UBE3D: variants seen among roughly 807,000 people sequenced by gnomAD.
UBE3D encodes ubiquitin protein ligase E3D, also known as E3 ubiquitin-protein ligase E3D.
UBE3D carries 48 observed loss-of-function variants against 49.6 expected under a neutral mutation model. The ratio of observed to expected loss-of-function variants is 0.97; its 90% CI spans 0.77 to 1.23. The LOEUF is 1.23. Among genes scored for constraint, UBE3D ranks in the 50% most tolerant of loss-of-function variants. The pLI, the probability that UBE3D is intolerant of heterozygous loss-of-function variation, is 0.00. For synonymous variants in UBE3D, 189 were observed against 174.2 expected (o/e 1.08, Z -0.67); for missense variants, 452 against 468.4 (o/e 0.96, Z 0.32).
intron 1 of UBE3D, 111 bp from the exon 2 acceptor site, chr6:83,058,133 A>G (rs1783934832): frequency 1.9e-6 from 2 of 1,039,218 alleles, no homozygotes; most frequent in Non-Finnish European, 2.8e-6. Flanking sequence ...TAGGAGCTCT[A>G]AAGTCACTGC....
rs113318425 is a variant in UBE3D, at chr6:83,030,387, C to T, written c.668-6349G>A. The stretch of plus-strand genomic sequence containing the variant: ...TGATAATGAATAAGTCTCATGAGAT[C>T]TGATGGTTTTATAAAAGACAGTTCC... On this transcript the variant is annotated intron_variant, in intron 5 of 9. Coordinates refer to ENST00000369747, the MANE Select transcript of UBE3D (RefSeq NM_198920.3). Among the ~76,000 whole-genome samples the T allele has an allele frequency of 9.6e-3, 1,464 of 152,168 alleles. 21 individuals are homozygous for T. The highest frequency in any genetic ancestry group is 0.033 in the African/African-American group (1,387 of 41,514).
At position 83,027,401 on chromosome 6, in the gene UBE3D, G is replaced by C. The variant is rs185213746; in HGVS notation, c.668-3363C>G. 9.0e-4 allele frequency among the ~76,000 whole-genome samples: 107 copies of C among 118,720 alleles called. 1 individual carries two copies. The highest frequency in any genetic ancestry group is 3.3e-3 in the African/African-American group (102 of 31,008). 77.9% of individuals were successfully genotyped at this position (118,720 alleles called of 152,430 possible). On this transcript the variant is annotated intron_variant, in intron 5 of 9. Coordinates refer to ENST00000369747, the MANE Select transcript of UBE3D (RefSeq NM_198920.3). ...CAGTGAGCCAAGACCGCACCACTGT[G>C]CTCCAGCCTGGCGACAGAGCGAGAC...
intron 9 of UBE3D, among the ~76,000 whole-genome samples, chr6:82,931,812 G>T (rs1330061681): frequency 6.6e-6 from 1 of 152,068 alleles, no homozygotes; most frequent in Non-Finnish European, 1.5e-5. Context: ...GACTCGGATT[G>T]GGTTTTGAAA....
chr6:82,888,093 T>A (rs1411045058), downstream of UBE3D, among the ~76,000 whole-genome samples: 2 of 152,222 alleles, frequency 1.3e-5, no homozygotes, highest in South Asian at 4.1e-4. Flanking sequence ...TGGGCACTTA[T>A]AAGGCGCTTT....
chr6:82,922,020 A>C (rs1417726692), intron 9 of UBE3D, among the ~76,000 whole-genome samples: 1 of 152,202 alleles, frequency 6.6e-6, no homozygotes, highest in Non-Finnish European at 1.5e-5. Flanking sequence ...AAAATATAAG[A>C]CTTGCTACCA....
At chr6:82,944,772 C>CA (rs2127759865) in intron 9 of UBE3D, among the ~76,000 whole-genome samples, 1 of 152,286 alleles carries the variant, frequency 6.6e-6, no homozygotes, top group Non-Finnish European at 1.5e-5. Context: ...GAATTCACCA[C>CA]AAGTTGACTG....
chr6:82,901,667 A>G (rs1022376463), intron 9 of UBE3D, among the ~76,000 whole-genome samples: 4 of 152,188 alleles, frequency 2.6e-5, no homozygotes, highest in African/African-American at 9.7e-5. Context: ...CTCCTACTCC[A>G]GTGTCTTCAT....
At chr6:82,945,776 G>A (rs1775358067) in intron 9 of UBE3D, among the ~76,000 whole-genome samples, 1 of 152,182 alleles carries the variant, frequency 6.6e-6, no homozygotes, top group African/African-American at 2.4e-5. Flanking sequence ...ATAACACAGA[G>A]AAGGAATTCA....
rs1050804252 is a variant in UBE3D, at chr6:83,065,798, T to A, written c.-80A>T. On this transcript the variant is annotated 5_prime_UTR_variant, in exon 1 of 10. Coordinates refer to ENST00000369747, the MANE Select transcript of UBE3D (RefSeq NM_198920.3). ...CAACAGGACCAGGAGAGGTTCCACG[T>A]GCGGACCAACCAGCGGCAGCCCCGC... 1.5e-5 allele frequency: 22 copies of A among 1,424,206 alleles called. No individual in the cohort carries two copies. In the African/African-American group the frequency reaches 2.7e-4, roughly 18 times the overall value. 88.2% of individuals were successfully genotyped at this position (1,424,206 alleles called of 1,614,324 possible).
At chr6:83,011,167 A>T (rs1442485143) in intron 8 of UBE3D, among the ~76,000 whole-genome samples, 1 of 152,212 alleles carries the variant, frequency 6.6e-6, no homozygotes, top group African/African-American at 2.4e-5. Flanking sequence ...AAGTCAATAA[A>T]CTTTATCTCA....
At chr6:83,054,115 A>G (rs1783655251) in intron 3 of UBE3D, 33 bp downstream of exon 3, 1 of 1,546,016 alleles carries the variant, frequency 6.5e-7, no homozygotes, top group African/African-American at 1.4e-5. Flanking sequence ...ATTGCCAGGC[A>G]CAGAATTAAT....
chr6:82,959,900 G>T (rs1776430895), intron 8 of UBE3D, among the ~76,000 whole-genome samples: 1 of 152,006 alleles, frequency 6.6e-6, no homozygotes, highest in Admixed American at 6.6e-5. Context: ...GTGGAAGAAA[G>T]GCAGCTCCAG....
At chr6:82,944,757 T>C (rs1402826051) in intron 9 of UBE3D, among the ~76,000 whole-genome samples, 1 of 152,182 alleles carries the variant, frequency 6.6e-6, no homozygotes, top group Non-Finnish European at 1.5e-5. Flanking sequence ...AGTCCCAGTC[T>C]GGCAGAATTC....
intron 8 of UBE3D, among the ~76,000 whole-genome samples, chr6:82,957,860 G>A (rs1336212566): frequency 6.6e-6 from 1 of 152,140 alleles, no homozygotes; most frequent in East Asian, 1.9e-4. Context: ...CTACAGCTAT[G>A]AAAATGTTTT....
chr6:82,917,576 C>G (rs1773016166), intron 9 of UBE3D, among the ~76,000 whole-genome samples: 1 of 152,140 alleles, frequency 6.6e-6, no homozygotes. Context: ...ATGAGACCTC[C>G]CTGGGGTGAT....
chr6:83,012,457 C>T (rs964375145), intron 8 of UBE3D, among the ~76,000 whole-genome samples: 13 of 152,280 alleles, frequency 8.5e-5, no homozygotes, highest in Admixed American at 2.6e-4. Context: ...TTGCTGAGCC[C>T]GTGCATAAGG....
At chr6:82,881,104 C>A in the UBE3D span, among the ~76,000 whole-genome samples, 1 of 152,148 alleles carries the variant, frequency 6.6e-6, no homozygotes, top group Admixed American at 6.6e-5. Context: ...GGGACAGAAA[C>A]TTTCAGTCAG....
At chr6:82,947,509 A>C (rs1775489717) in intron 9 of UBE3D, among the ~76,000 whole-genome samples, 1 of 147,090 alleles carries the variant, frequency 6.8e-6, no homozygotes, top group Admixed American at 6.7e-5. Flanking sequence ...TTAAATTTTT[A>C]ATTTCTTTTC....
chr6:82,971,906 CG>C (rs1777379428), intron 8 of UBE3D, among the ~76,000 whole-genome samples: 1 of 152,042 alleles, frequency 6.6e-6, no homozygotes, highest in Non-Finnish European at 1.5e-5. Flanking sequence ...AAATGTTTGA[CG>C]CTTTCTTCTT....
Sources: allele counts gnomAD v4.1 joint callset (sites outside exome capture counted in the v4.1 genomes callset), GRCh38; gene constraint gnomAD v4.1.1; transcripts MANE v1.5; gene names NCBI Gene and HGNC (gene_info 2026-07-23, HGNC 2026-07-21).